FOXO1: variants seen among roughly 807,000 people sequenced by gnomAD.
FOXO1 encodes the protein forkhead box protein O1.
A neutral mutation model predicts 44.1 loss-of-function variants in FOXO1; 6 were observed. That is an observed-to-expected ratio of 0.14 (90% CI 0.07 to 0.27). The LOEUF (loss-of-function observed/expected upper bound fraction) is 0.27, where lower values mean the gene tolerates loss of function less well. Among genes scored for constraint, FOXO1 ranks in the 10% least tolerant of loss-of-function variants. The pLI, the probability that FOXO1 is intolerant of heterozygous loss-of-function variation, is 1.00. For synonymous variants in FOXO1, 380 were observed against 362.7 expected (o/e 1.05, Z -0.54); for missense variants, 737 against 888.8 (o/e 0.83, Z 2.17).
intron 1 of FOXO1, among the ~76,000 whole-genome samples, chr13:40,575,555 C>T (rs925933205): frequency 1.4e-4 from 22 of 152,138 alleles, no homozygotes; most frequent in African/African-American, 4.8e-4. Flanking sequence ...GTGGGCCTAC[C>T]TAATGTAAAG....
At chr13:40,618,445 C>T (rs114049586) in intron 1 of FOXO1, among the ~76,000 whole-genome samples, 139 of 152,342 alleles carry the variant, frequency 9.1e-4, no homozygotes, top group African/African-American at 3.2e-3. Flanking sequence ...CTTTCTTCTT[C>T]CAAGCTCCCA....
intron 1 of FOXO1, 146 bp from the exon 2 acceptor site, chr13:40,561,006 G>A (rs1329596628): frequency 2.8e-6 from 2 of 711,350 alleles, no homozygotes; most frequent in Non-Finnish European, 4.5e-6. Flanking sequence ...TGGCTCTGAA[G>A]CCACTACAAA....
chr13:40,560,441 T>A lies in FOXO1; in HGVS notation c.1050A>T (p.Pro350=). The A allele has an allele frequency of 6.2e-7, 1 of 1,614,204 alleles. No homozygotes were observed. The highest frequency in any genetic ancestry group is 8.5e-7 in the Non-Finnish European group (1 of 1,180,036). Residue 350 remains proline, a synonymous_variant, in exon 2 of 3, where the codon CCA becomes CCT. Coordinates refer to ENST00000379561, the MANE Select transcript of FOXO1 (RefSeq NM_002015.4). The surrounding 1 kb of genome is among the most constrained non-coding windows in gnomAD (Gnocchi z 5.1). ...EGDVHSMVYP[P]SAAKMASTLP... is the part of the protein sequence containing the mutation. ...AAGTAGAGGCCATCTTTGCGGCAGATGGCGGGTACACCATAGAATGCACAT... is the reference window on the plus strand; with the variant it reads ...AAGTAGAGGCCATCTTTGCGGCAGAAGGCGGGTACACCATAGAATGCACAT...
At chr13:40,569,277 C>G (rs1395368254) in intron 1 of FOXO1, among the ~76,000 whole-genome samples, 1 of 152,186 alleles carries the variant, frequency 6.6e-6, no homozygotes, top group Non-Finnish European at 1.5e-5. Context: ...GCTCTGGAGG[C>G]AGAGTTACTG....
intron 1 of FOXO1, among the ~76,000 whole-genome samples, chr13:40,574,142 T>C (rs1344282042): frequency 6.6e-6 from 1 of 152,148 alleles, no homozygotes; most frequent in Non-Finnish European, 1.5e-5. Flanking sequence ...TGCACATGTA[T>C]CCCAGGACTT....
intron 1 of FOXO1, among the ~76,000 whole-genome samples, chr13:40,590,914 T>A (rs1269247255): frequency 1.3e-5 from 2 of 152,196 alleles, no homozygotes; most frequent in African/African-American, 4.8e-5. Context: ...ATCAAAATCC[T>A]CTTCTACTTC....
At chr13:40,596,496 A>T (rs1593393316) in intron 1 of FOXO1, among the ~76,000 whole-genome samples, 2 of 152,314 alleles carry the variant, frequency 1.3e-5, no homozygotes, top group Middle Eastern at 3.4e-3. Context: ...CCTGACTCAA[A>T]TCCCTGCCAG....
At chr13:40,661,928 C>G (rs961647467) in intron 1 of FOXO1, among the ~76,000 whole-genome samples, 1 of 152,024 alleles carries the variant, frequency 6.6e-6, no homozygotes, top group Admixed American at 6.6e-5. Context: ...AATCTCTGCA[C>G]TTTAGGAGAT....
chr13:40,564,407 A>AT (rs1566062304), intron 1 of FOXO1, among the ~76,000 whole-genome samples: 2 of 152,040 alleles, frequency 1.3e-5, no homozygotes, highest in Admixed American at 1.3e-4. Flanking sequence ...AACAATTAAA[A>AT]TTTTTTCCGA....
intron 1 of FOXO1, among the ~76,000 whole-genome samples, chr13:40,651,723 TAATATA>T (rs1265692541): frequency 2.0e-5 from 3 of 151,182 alleles, no homozygotes; most frequent in African/African-American, 7.3e-5. Context: ...ATCATATTTA[TAATATA>T]AATATAAGAT....
At chr13:40,606,247 C>G (rs1875993215) in intron 1 of FOXO1, among the ~76,000 whole-genome samples, 1 of 152,156 alleles carries the variant, frequency 6.6e-6, no homozygotes, top group South Asian at 2.1e-4. Context: ...AGCTATATAG[C>G]CTAAAACGGA....
At chr13:40,621,378 A>G in intron 1 of FOXO1, 1 of 368,586 alleles carries the variant, frequency 2.7e-6, no homozygotes, top group South Asian at 6.4e-5. Context: ...CAAATATTGT[A>G]TTTTAGTAGA....
chr13:40,577,499 C>T (rs576648694), intron 1 of FOXO1, among the ~76,000 whole-genome samples: 1 of 152,264 alleles, frequency 6.6e-6, no homozygotes, highest in East Asian at 1.9e-4. Flanking sequence ...TAGAATGGGT[C>T]ACAGAGTCTA....
chr13:40,587,737 G>A (rs749266700), intron 1 of FOXO1, among the ~76,000 whole-genome samples: 4 of 152,128 alleles, frequency 2.6e-5, no homozygotes, highest in African/African-American at 7.2e-5. Flanking sequence ...CATTTCTACC[G>A]AATGGTCTGG....
At chr13:40,620,181 C>G (rs893487007) in intron 1 of FOXO1, 1 of 1,561,168 alleles carries the variant, frequency 6.4e-7, no homozygotes, top group African/African-American at 1.4e-5. Flanking sequence ...AAGAATCCAG[C>G]AGATCCTCAA....
At chr13:40,601,340 T>C (rs965174097) in intron 1 of FOXO1, among the ~76,000 whole-genome samples, 1 of 152,240 alleles carries the variant, frequency 6.6e-6, no homozygotes, top group Admixed American at 6.5e-5. Flanking sequence ...TTTTACATTA[T>C]TCACTGACTG....
intron 1 of FOXO1, among the ~76,000 whole-genome samples, chr13:40,616,161 T>C (rs1485132994): frequency 6.6e-6 from 1 of 152,194 alleles, no homozygotes; most frequent in African/African-American, 2.4e-5. Flanking sequence ...AAAAACGCCT[T>C]CTTCCTAAAT....
chr13:40,615,396 A>G (rs1319942679), intron 1 of FOXO1, among the ~76,000 whole-genome samples: 2 of 152,038 alleles, frequency 1.3e-5, no homozygotes, highest in African/African-American at 4.8e-5. Context: ...TTAACCGGGC[A>G]TGGGGGTGCG....
chr13:40,589,217 A>T (rs1875282859), intron 1 of FOXO1, among the ~76,000 whole-genome samples: 1 of 152,252 alleles, frequency 6.6e-6, no homozygotes, highest in African/African-American at 2.4e-5. Flanking sequence ...ATTCAAAGAC[A>T]TCTCAAAAGT....
Sources: gnomAD v4.1 joint callset for allele counts (sites outside exome capture counted in the v4.1 genomes callset) on GRCh38, gnomAD v4.1.1 for gene constraint, Gnocchi (gnomAD v3.1) non-coding constraint, MANE v1.5 for transcripts, NCBI Gene and HGNC (gene_info 2026-07-23, HGNC 2026-07-21) for gene names.